Variants in GALNT18 observed in about 807,000 individuals in gnomAD.
GALNT18 encodes the protein GalNAc-transferase 18.
In GALNT18, 44 loss-of-function variants were observed where a neutral mutation model predicts 69.5. The ratio of observed to expected loss-of-function variants is 0.63; its 90% CI spans 0.50 to 0.81. GALNT18 has a LOEUF of 0.81. Among genes scored for constraint, GALNT18 ranks in the 40% least tolerant of loss-of-function variants. The pLI, the probability that GALNT18 is intolerant of heterozygous loss-of-function variation, is 0.00. For missense variants in GALNT18, 715 were observed against 810.0 expected, an observed-to-expected ratio of 0.88 and a Z score of 1.42; for synonymous variants, 364 against 318.2, an observed-to-expected ratio of 1.14 and a Z score of -1.53.
chr11:11,608,212 C>A (rs971121970), intron 1 of GALNT18, among the ~76,000 whole-genome samples: 1 of 152,122 alleles, frequency 6.6e-6, no homozygotes. Context: ...GTGTTACAAC[C>A]AGAAAATATA....
At chr11:11,298,469 G>A (rs1229500699) in intron 9 of GALNT18, among the ~76,000 whole-genome samples, 1 of 152,260 alleles carries the variant, frequency 6.6e-6, no homozygotes, top group Non-Finnish European at 1.5e-5. Flanking sequence ...CTCAGGGCCT[G>A]TGGCCCCTTA....
chr11:11,331,321 A>ACTGT (rs1457444864), intron 8 of GALNT18, among the ~76,000 whole-genome samples: 1 of 152,138 alleles, frequency 6.6e-6, no homozygotes, highest in East Asian at 1.9e-4. Flanking sequence ...GGAGGATAAC[A>ACTGT]CTGTCTCCTA....
chr11:11,549,553 C>T (rs1858142013), intron 1 of GALNT18, among the ~76,000 whole-genome samples: 1 of 152,242 alleles, frequency 6.6e-6, no homozygotes, highest in Non-Finnish European at 1.5e-5. Context: ...GGCACTGGCA[C>T]AGGCCACCTT....
chr11:11,597,708 T>C (rs1859535165), intron 1 of GALNT18, among the ~76,000 whole-genome samples: 1 of 151,260 alleles, frequency 6.6e-6, no homozygotes. Flanking sequence ...TCATCCAGGC[T>C]AGAGTGCAGT....
At position 11,271,170 on chromosome 11, in the gene GALNT18, T is replaced by C. The variant is rs764729370; in HGVS notation, c.1798A>G (p.Asn600Asp). 8.1e-6 allele frequency: 13 copies of C among 1,613,692 alleles called. No homozygotes were observed. Among genetic ancestry groups the C allele is most frequent in the East Asian group, 2.2e-5 (1 of 44,870 alleles). Residue 600 changes from asparagine to aspartate, a missense_variant, in exon 11 of 11, where the codon AAC becomes GAC. Asn to Asp is a conservative substitution (Grantham distance 23, BLOSUM62 1). Transcript: ENST00000227756. ...KCSGQHWSIT[N>D]VLRSLAS Reference sequence around the variant, plus strand: ...CAGGACGCGAGGCTCCTCAGGACGTTGGTGATGCTCCAGTGCTGGCCCGAG... The same window carrying C: ...CAGGACGCGAGGCTCCTCAGGACGTCGGTGATGCTCCAGTGCTGGCCCGAG...
intron 1 of GALNT18, among the ~76,000 whole-genome samples, chr11:11,607,657 T>C (rs1859787700): frequency 1.3e-5 from 2 of 152,230 alleles, no homozygotes; most frequent in African/African-American, 4.8e-5. Flanking sequence ...CTGCCTGCAA[T>C]TGAAATTATA....
chr11:11,289,755 G>A (rs1298508018), intron 10 of GALNT18, among the ~76,000 whole-genome samples: 1 of 152,116 alleles, frequency 6.6e-6, no homozygotes, highest in Admixed American at 6.5e-5. Context: ...AGAAGTGTCT[G>A]GGTGCAGGTC....
At chr11:11,379,372 ACCCATTCC>A (rs1853854972) in intron 3 of GALNT18, 108 bp from the exon 4 acceptor site, 2 of 1,094,810 alleles carry the variant, frequency 1.8e-6, no homozygotes, top group South Asian at 1.5e-5. Context: ...AGGCTGGGGG[ACCCATTCC>A]CCTCCCTGGG....
intron 1 of GALNT18, among the ~76,000 whole-genome samples, chr11:11,520,377 T>C (rs902211441): frequency 1.3e-5 from 2 of 152,212 alleles, no homozygotes; most frequent in African/African-American, 4.8e-5. Flanking sequence ...TCTGGCCTGC[T>C]GAGCTAGTGT....
chr11:11,300,688 G>A (rs1849479236), intron 9 of GALNT18, among the ~76,000 whole-genome samples: 1 of 152,162 alleles, frequency 6.6e-6, no homozygotes, highest in Non-Finnish European at 1.5e-5. Context: ...CTTGGAAGAG[G>A]AGGAATATCT....
chr11:11,442,891 C>A (rs1030260534), intron 2 of GALNT18, among the ~76,000 whole-genome samples: 1 of 152,198 alleles, frequency 6.6e-6, no homozygotes, highest in African/African-American at 2.4e-5. Context: ...AAAGTCATTA[C>A]TGATAAGGCT....
intron 10 of GALNT18, among the ~76,000 whole-genome samples, chr11:11,275,924 T>A (rs1483743610): frequency 6.6e-6 from 1 of 152,260 alleles, no homozygotes; most frequent in East Asian, 1.9e-4. Flanking sequence ...CATGCTGTTT[T>A]GGTTACTGTA....
intron 1 of GALNT18, among the ~76,000 whole-genome samples, chr11:11,571,874 A>T (rs1207422620): frequency 6.6e-6 from 1 of 152,212 alleles, no homozygotes; most frequent in African/African-American, 2.4e-5. Flanking sequence ...ACAGACTGTG[A>T]AGGTGTTTAT....
At chr11:11,442,445 T>G (rs1351357518) in intron 2 of GALNT18, among the ~76,000 whole-genome samples, 5 of 152,160 alleles carry the variant, frequency 3.3e-5, no homozygotes, top group Admixed American at 6.5e-5. Context: ...GAGGCCATTA[T>G]TCTGTCTACC....
At chr11:11,556,322 C>T (rs1471142197) in intron 1 of GALNT18, among the ~76,000 whole-genome samples, 1 of 152,232 alleles carries the variant, frequency 6.6e-6, no homozygotes, top group Non-Finnish European at 1.5e-5. Context: ...AGAACACACC[C>T]TTTGCCCTAT....
chr11:11,348,336 C>T (rs182961387), intron 6 of GALNT18, among the ~76,000 whole-genome samples: 186 of 150,392 alleles, frequency 1.2e-3, no homozygotes, highest in Non-Finnish European at 2.4e-3. Context: ...CAAGATCGCG[C>T]CATTGCACTC....
At chr11:11,308,573 A>G (rs895218597) in intron 9 of GALNT18, among the ~76,000 whole-genome samples, 1 of 152,094 alleles carries the variant, frequency 6.6e-6, no homozygotes, top group Non-Finnish European at 1.5e-5. Flanking sequence ...TTCCTGGAGG[A>G]TGCCTATTCA....
Position 11,337,839 on chromosome 11 carries a change from G to A in GALNT18, c.1278+2980C>T, listed in dbSNP as rs1300398267. On this transcript the variant is annotated intron_variant, in intron 7 of 10. Transcript: ENST00000227756. The surrounding 1 kb of genome is among the most constrained non-coding windows in gnomAD (Gnocchi z 4.9). ...TTCAAAACAGGGAGTGGTAGGCAGT[G>A]GGATTAAAATACAGGCAGTGGGGTT... Among the ~76,000 whole-genome samples, 1 of 152,132 alleles carries A rather than the reference G, an allele frequency of 6.6e-6. No homozygotes were observed. The highest frequency in any genetic ancestry group is 1.5e-5 in the Non-Finnish European group (1 of 68,034).
At position 11,432,668 on chromosome 11, in the gene GALNT18, G is replaced by A. The variant is rs139404466; in HGVS notation, c.548C>T (p.Pro183Leu). ...CAGAATGATCTCCTTGAGCAGATGT[G>A]GGGGCGTGCGTTCCATGGCCGAGTG... ...SIHSAMERTP[P>L]HLLKEIILVD... Residue 183 changes from proline (P) to leucine (L), a missense_variant, in exon 3 of 11, where the codon CCA (proline) becomes CTA (leucine). By Grantham distance (98) the Pro-to-Leu change is moderately conservative. Coordinates refer to ENST00000227756, the MANE Select transcript of GALNT18 (RefSeq NM_198516.3). This position sits in a 1 kb window ranked among gnomAD's most constrained non-coding sequence, Gnocchi z 5.8. The A allele has an allele frequency of 1.3e-4, 202 of 1,612,330 alleles. No individual in the cohort carries two copies. The highest frequency in any genetic ancestry group is 1.4e-5 in the Non-Finnish European group (17 of 1,179,330).
Sources: allele counts gnomAD v4.1 joint callset (sites outside exome capture counted in the v4.1 genomes callset), GRCh38; gene constraint gnomAD v4.1.1; non-coding constraint Gnocchi (gnomAD v3.1); transcripts MANE v1.5; gene names NCBI Gene and HGNC (gene_info 2026-07-23, HGNC 2026-07-21).